MTAP: variants seen among roughly 807,000 people sequenced by gnomAD.
The protein encoded by MTAP is methylthioadenosine phosphorylase, also known as S-methyl-5'-thioadenosine phosphorylase.
In MTAP, 33 loss-of-function variants were observed where a neutral mutation model predicts 33.6. The observed-to-expected ratio is 0.98, with a 90% CI of 0.74 to 1.31. The LOEUF (loss-of-function observed/expected upper bound fraction) is 1.31. Ranked by LOEUF, MTAP falls within the 40% of genes most tolerant of loss-of-function variation. The probability of loss-of-function intolerance (pLI) is 0.00; values close to 1 mark genes in which losing one functional copy is unlikely to be tolerated. For synonymous variants in MTAP, 148 were observed against 125.7 expected (o/e 1.18, Z -1.19); for missense variants, 367 against 360.0 (o/e 1.02, Z -0.16).
intron 1 of MTAP, among the ~76,000 whole-genome samples, chr9:21,888,480 T>C (rs1467420608): frequency 6.6e-6 from 1 of 152,176 alleles, no homozygotes; most frequent in Non-Finnish European, 1.5e-5. Flanking sequence ...GTAGTAATTG[T>C]TTTATAAAAT....
At chr9:21,935,177 C>G (rs1165723505), downstream of MTAP, 1 of 151,984 alleles carries the variant, frequency 6.6e-6, no homozygotes, top group Non-Finnish European at 1.5e-5. Context: ...CAATTGAATT[C>G]TATTGAATAC....
At chr9:21,880,060 AAATTCCATTTGTTGGAAACTT>A (rs1401369618) in intron 1 of MTAP, among the ~76,000 whole-genome samples, 24 of 152,140 alleles carry the variant, frequency 1.6e-4, no homozygotes, top group African/African-American at 5.8e-4. Context: ...GTATTCCAAC[AAATTCCATTTGTTGGAAACTT>A]AATTTCTAAA....
At chr9:21,930,790 T>C (rs1818945195) in intron 1 of MTAP, 3 of 715,872 alleles carry the variant, frequency 4.2e-6, no homozygotes, top group Non-Finnish European at 7.3e-6. Context: ...AATCAATCAG[T>C]AAAAGTACAA....
In MTAP at chr9:21,876,872, TA is replaced by T. The variant is rs111339282; in HGVS notation, c.147+22013del. On this transcript the variant is annotated intron_variant, in intron 1 of 1. Transcript: ENST00000577563. ...GCTCTTTTTTTGGTTCCATGTGAAT[TA>T]AAAAAAAAAATTTCTGTGAAGAATT... is the stretch of plus-strand genomic sequence containing the variant. 1.3e-3 allele frequency among the ~76,000 whole-genome samples: 192 copies of T among 149,054 alleles called. 2 individuals are homozygous for T. Among genetic ancestry groups the T allele is most frequent in the African/African-American group, 4.1e-3 (167 of 40,824 alleles).
At position 21,881,714 on chromosome 9, in the gene MTAP, C is replaced by CA. The variant is rs554394113; in HGVS notation, c.147+26852dup. 4.6e-4 allele frequency among the ~76,000 whole-genome samples: 70 copies of CA among 151,512 alleles called. 2 individuals are homozygous for CA. In the South Asian group the frequency reaches 8.8e-3, roughly 19 times the overall value. On this transcript the variant is annotated intron_variant, in intron 1 of 1. Coordinates refer to the MTAP transcript ENST00000577563. ...TCACACCCATTACAATGGCTACTAT[C>CA]AAAAAAAACAGAAAATGTTGCCATA... is the stretch of plus-strand genomic sequence containing the variant.
chr9:21,869,995 A>G (rs1413256412), downstream of MTAP, among the ~76,000 whole-genome samples: 1 of 152,142 alleles, frequency 6.6e-6, no homozygotes, highest in Admixed American at 6.5e-5. Flanking sequence ...ACTCTGCTCC[A>G]GCCCTTTTCC....
At chr9:21,808,084 C>A (rs890011236) in intron 1 of MTAP, among the ~76,000 whole-genome samples, 2 of 152,190 alleles carry the variant, frequency 1.3e-5, no homozygotes, top group Non-Finnish European at 1.5e-5. Flanking sequence ...CACCCCAGTC[C>A]CAGTGAATCA....
At chr9:21,891,370 C>A (rs1818197878) in intron 1 of MTAP, among the ~76,000 whole-genome samples, 1 of 151,882 alleles carries the variant, frequency 6.6e-6, no homozygotes, top group Admixed American at 6.6e-5. Flanking sequence ...AAAGGTGATA[C>A]CTACTCCAAG....
chr9:21,848,000 C>T (rs536247925), intron 5 of MTAP, among the ~76,000 whole-genome samples: 1 of 152,274 alleles, frequency 6.6e-6, no homozygotes, highest in African/African-American at 2.4e-5. Context: ...TTTGAAAACT[C>T]TGATGAACCT....
At chr9:21,812,857 T>C (rs1203400538) in intron 1 of MTAP, among the ~76,000 whole-genome samples, 1 of 152,244 alleles carries the variant, frequency 6.6e-6, no homozygotes, top group African/African-American at 2.4e-5. Flanking sequence ...CCTAGATTTG[T>C]ATCCCAGCTT....
chr9:21,889,308 C>G (rs1818162431), intron 1 of MTAP, among the ~76,000 whole-genome samples: 1 of 151,886 alleles, frequency 6.6e-6, no homozygotes, highest in Admixed American at 6.6e-5. Flanking sequence ...ATTCTTTTAA[C>G]TTCTTTAAGT....
intron 5 of MTAP, 102 bp from the exon 6 acceptor site, chr9:21,854,529 A>C (rs1371104507): frequency 3.5e-6 from 5 of 1,424,356 alleles, no homozygotes; most frequent in Non-Finnish European, 4.7e-6. Context: ...TATAGTGACA[A>C]ATCATCTTTA....
chr9:21,858,045 G>A (rs1249727264), intron 6 of MTAP, among the ~76,000 whole-genome samples: 23 of 152,094 alleles, frequency 1.5e-4, no homozygotes, highest in Admixed American at 1.5e-3. Context: ...GTTTATTTGG[G>A]ATTTTGTTTG....
At chr9:21,921,548 A>T (rs543116542) in intron 1 of MTAP, among the ~76,000 whole-genome samples, 2 of 152,364 alleles carry the variant, frequency 1.3e-5, no homozygotes, top group South Asian at 4.1e-4. Context: ...TTTAACCTAG[A>T]CAAAACTGTT....
At chr9:21,912,939 A>G (rs1050215436) in intron 1 of MTAP, among the ~76,000 whole-genome samples, 4 of 152,248 alleles carry the variant, frequency 2.6e-5, no homozygotes, top group Non-Finnish European at 4.4e-5. Flanking sequence ...GCAAAGTCTC[A>G]GGATACAAAA....
rs570082397 is a variant in MTAP, at chr9:21,907,248, A to C, written c.148-23760A>C. Among the ~76,000 whole-genome samples, 10 of 152,328 alleles carry C rather than the reference A, an allele frequency of 6.6e-5. No homozygotes were observed. The South Asian group carries it at 2.1e-3, about 32-fold the overall frequency. ...CTGTGACATAATGCTCTTAGTGATTAAATAGTTTGTATATAAGGCTAGGCG... is the reference window on the plus strand; with the variant it reads ...CTGTGACATAATGCTCTTAGTGATTCAATAGTTTGTATATAAGGCTAGGCG... On this transcript the variant is annotated intron_variant, in intron 1 of 1. Transcript: ENST00000577563.
At chr9:21,883,931 G>A (rs945272270) in intron 1 of MTAP, among the ~76,000 whole-genome samples, 1 of 152,052 alleles carries the variant, frequency 6.6e-6, no homozygotes, top group Non-Finnish European at 1.5e-5. Context: ...TGAAGGTCAT[G>A]TGGGAGCTTT....
At chr9:21,889,367 C>G (rs1818163124) in intron 1 of MTAP, among the ~76,000 whole-genome samples, 1 of 151,836 alleles carries the variant, frequency 6.6e-6, no homozygotes, top group Admixed American at 6.6e-5. Flanking sequence ...AATAATCAAT[C>G]TTCTGATTTG....
intron 1 of MTAP, among the ~76,000 whole-genome samples, chr9:21,882,768 T>C (rs1818035476): frequency 6.6e-6 from 1 of 152,000 alleles, no homozygotes; most frequent in Non-Finnish European, 1.5e-5. Flanking sequence ...TAACTCTGGG[T>C]TTTTATCTAA....
Sources: gnomAD v4.1 joint callset for allele counts (sites outside exome capture counted in the v4.1 genomes callset) on GRCh38, gnomAD v4.1.1 for gene constraint, MANE v1.5 for transcripts, NCBI Gene and HGNC (gene_info 2026-07-23, HGNC 2026-07-21) for gene names.